Variants in CDC5L observed in about 807,000 individuals in gnomAD.
CDC5L encodes cell division cycle 5-like protein.
In CDC5L, 18 loss-of-function variants were observed where a neutral mutation model predicts 104.1. The ratio of observed to expected loss-of-function variants is 0.17; its 90% confidence interval spans 0.12 to 0.26. CDC5L has a LOEUF of 0.26. CDC5L is among the 10% of genes least tolerant of loss of function. CDC5L has a pLI of 1.00. For missense variants in CDC5L, 673 were observed against 956.9 expected (o/e 0.70, Z 3.91); for synonymous variants, 331 against 322.7 (o/e 1.03, Z -0.28).
chr6:44,424,151 ATAG>A (rs1792314371), intron 10 of CDC5L, among the ~76,000 whole-genome samples: 2 of 152,076 alleles, frequency 1.3e-5, no homozygotes, highest in African/African-American at 4.8e-5. Flanking sequence ...TTGTGGATAC[ATAG>A]TAGGTGTGTA....
rs763221446 is a variant in CDC5L, at chr6:44,426,648, G to T, written c.1817G>T (p.Gly606Val). 3 of 1,612,978 alleles carry T rather than the reference G, an allele frequency of 1.9e-6. No homozygotes were observed. The highest frequency in any genetic ancestry group is 1.3e-5 in the African/African-American group (1 of 74,878). ...AAAAAAGGCAAAACTGTAGGGTTTG[G>T]TACCAATAATTCAGAGCACATTACC... ...GNKKGKTVGF[G>V]TNNSEHITYL... Residue 606 changes from glycine (G) to valine (V), a missense_variant, in exon 13 of 16, where the codon GGT becomes GTT. Around this residue, in one of 4 missense-constraint regions of CDC5L, gnomAD observed 578 missense variants for 737.0 expected, o/e 0.78. Coordinates refer to ENST00000371477, the MANE Select transcript of CDC5L (RefSeq NM_001253.4).
chr6:44,405,024 C>T (rs1791303373), intron 6 of CDC5L, among the ~76,000 whole-genome samples: 1 of 152,030 alleles, frequency 6.6e-6, no homozygotes, highest in Non-Finnish European at 1.5e-5. Flanking sequence ...AAAATTTTAC[C>T]TTGTTTTTAT....
At chr6:44,403,624 T>G (rs1791232706) in intron 5 of CDC5L, among the ~76,000 whole-genome samples, 185 bp from the exon 6 acceptor site, 2 of 152,182 alleles carry the variant, frequency 1.3e-5, no homozygotes, top group African/African-American at 4.8e-5. Flanking sequence ...TTTTGCCTTA[T>G]TATGTGTATG....
At chr6:44,393,352 T>C (rs1790706157) in intron 3 of CDC5L, 94 bp from the exon 4 acceptor site, 2 of 1,206,910 alleles carry the variant, frequency 1.7e-6, no homozygotes, top group South Asian at 3.0e-5. Flanking sequence ...ATTGGTTTTT[T>C]TGGGGGGAAA....
chr6:44,428,569 T>G (rs1036534995), intron 13 of CDC5L, among the ~76,000 whole-genome samples: 5 of 152,114 alleles, frequency 3.3e-5, no homozygotes, highest in African/African-American at 1.2e-4. Flanking sequence ...AAGGTCAGCA[T>G]CATCATTGCT....
intron 14 of CDC5L, among the ~76,000 whole-genome samples, chr6:44,430,691 G>C (rs1792643138): frequency 6.6e-6 from 1 of 151,356 alleles, no homozygotes; most frequent in Admixed American, 6.6e-5. Context: ...TCCTGCCTCA[G>C]CCTCCCTAGT....
At chr6:44,432,521 T>TA (rs758363623) in intron 14 of CDC5L, among the ~76,000 whole-genome samples, 102 of 146,202 alleles carry the variant, frequency 7.0e-4, no homozygotes, top group Admixed American at 2.5e-3. Flanking sequence ...CTGAATGGAT[T>TA]AAAAAAAAAA....
intron 14 of CDC5L, among the ~76,000 whole-genome samples, chr6:44,443,133 C>CT (rs1262748855): frequency 2.8e-5 from 4 of 145,450 alleles, no homozygotes; most frequent in African/African-American, 1.0e-4. Context: ...CTTTTCCTTC[C>CT]TTCCTTTTCT....
Position 44,424,533 on chromosome 6 carries a change from A to G in CDC5L, c.1519A>G (p.Ile507Val). The change falls in exon 11 of 16, where the codon ATA (isoleucine) becomes GTA (valine). Residue 507 changes from isoleucine (I) to valine (V), a missense_variant. By Grantham distance (29) the Ile-to-Val change is conservative. Transcript: ENST00000371477. ...NAEKELEEREIDDTYIEDAAD... is the reference protein window; with the variant it reads ...NAEKELEEREVDDTYIEDAAD... ...CGAGAAGGAGCTGGAAGAACGTGAA[A>G]TAGATGATACTTACATTGAAGATGC... The G allele has an allele frequency of 6.2e-7, 1 of 1,614,002 alleles. No homozygotes were observed. Among genetic ancestry groups the G allele is most frequent in the African/African-American group, 1.3e-5 (1 of 75,050 alleles).
intron 9 of CDC5L, among the ~76,000 whole-genome samples, chr6:44,421,515 T>G (rs534260117): frequency 6.6e-6 from 1 of 152,220 alleles, no homozygotes; most frequent in Non-Finnish European, 1.5e-5. Flanking sequence ...CAGCCAGTCT[T>G]AAACATTTAA....
intron 14 of CDC5L, among the ~76,000 whole-genome samples, chr6:44,434,142 C>T (rs1428145763): frequency 6.6e-6 from 1 of 152,212 alleles, no homozygotes; most frequent in Non-Finnish European, 1.5e-5. Context: ...TGAGCTGGAA[C>T]AGACATCCTG....
Position 44,445,594 on chromosome 6 carries a change from C to T in CDC5L, c.2092-61C>T, listed in dbSNP as rs767115641. 5 of 1,212,908 alleles carry T rather than the reference C, an allele frequency of 4.1e-6. No homozygotes were observed. The East Asian group carries it at 9.5e-5, about 23-fold the overall frequency. The allele number at this position is 1,212,908 out of a possible 1,614,324, so 75.1% of individuals were successfully genotyped here. ...CATGAACGCATGGTACCTTTTTAGC[C>T]CTGTTATTTAATAGCCTGCTTTTCT... On this transcript the variant is annotated intron_variant, in intron 14 of 15. Coordinates refer to ENST00000371477, the MANE Select transcript of CDC5L (RefSeq NM_001253.4).
intron 14 of CDC5L, among the ~76,000 whole-genome samples, chr6:44,435,371 T>C (rs1419563832): frequency 1.3e-5 from 2 of 151,952 alleles, no homozygotes; most frequent in Non-Finnish European, 2.9e-5. Context: ...TTTTCTCAGG[T>C]GTCAAAATTC....
rs1462330380 is a variant in CDC5L at position 44,387,875 on chromosome 6, C to A, written c.45+7C>A. ...CGTATGGAGGAATACCGAGGTAAGT[C>A]TCCTTTTCCCGCCGTCCGCTGCCCG... On this transcript the variant is annotated splice_region_variant and intron_variant, in intron 1 of 15. Transcript: ENST00000371477. The A allele has an allele frequency of 1.3e-6, 2 of 1,557,458 alleles. No individual in the cohort carries two copies. The highest frequency in any genetic ancestry group is 1.7e-6 in the Non-Finnish European group (2 of 1,149,864).
intron 8 of CDC5L, among the ~76,000 whole-genome samples, chr6:44,411,637 A>AGAGAGTGTGTGTGTGTGTGTGTGT: frequency 1.1e-4 from 13 of 123,646 alleles, no homozygotes; most frequent in African/African-American, 3.6e-4. Flanking sequence ...AGAGAGAGAG[A>AGAGAGTGTGTGTGTGTGTGTGTGT]GTGTGTGTGT....
intron 8 of CDC5L, among the ~76,000 whole-genome samples, chr6:44,417,186 A>G (rs1458049096): frequency 2.6e-5 from 4 of 152,100 alleles, no homozygotes. Flanking sequence ...TTTGATGGAT[A>G]GGGGATAGAG....
chr6:44,393,430 A>T lies in CDC5L; in HGVS notation c.312-16A>T. The T allele has an allele frequency of 6.2e-7, 1 of 1,611,982 alleles. No individual in the cohort carries two copies. The highest frequency in any genetic ancestry group is 1.1e-5 in the South Asian group (1 of 90,958). On this transcript the variant is annotated splice_polypyrimidine_tract_variant and intron_variant, in intron 3 of 15. Coordinates refer to ENST00000371477, the MANE Select transcript of CDC5L (RefSeq NM_001253.4). ...TGGTACTGTAGTGTGACTAACTCCTATGGGCTTTTTTCTAGGGATAAAGCT... is the reference window on the plus strand; with the variant it reads ...TGGTACTGTAGTGTGACTAACTCCTTTGGGCTTTTTTCTAGGGATAAAGCT...
intron 1 of CDC5L, 76 bp downstream of exon 1, chr6:44,387,944 G>C: frequency 7.1e-7 from 1 of 1,417,882 alleles, no homozygotes; most frequent in South Asian, 1.2e-5. Context: ...GGAGGTCGGG[G>C]GGGCGACGAG....
At chr6:44,439,240 T>C (rs557259429) in intron 14 of CDC5L, among the ~76,000 whole-genome samples, 1 of 152,342 alleles carries the variant, frequency 6.6e-6, no homozygotes, top group South Asian at 2.1e-4. Flanking sequence ...CCACATTTTA[T>C]TTATCCATTT....
Sources: gnomAD v4.1 joint callset for allele counts (sites outside exome capture counted in the v4.1 genomes callset) on GRCh38, gnomAD v4.1.1 for gene constraint, gnomAD v4.1.1 regional missense constraint, MANE v1.5 for transcripts, NCBI Gene and HGNC (gene_info 2026-07-23, HGNC 2026-07-21) for gene names.